Variants in TMEM131 observed in about 807,000 individuals in gnomAD.
TMEM131 encodes 2610524E03Rik.
A neutral mutation model predicts 211.6 loss-of-function variants in TMEM131; 66 were observed. The observed-to-expected ratio is 0.31, with a 90% CI of 0.26 to 0.38. TMEM131 has a LOEUF of 0.38. TMEM131 is among the 10% of genes least tolerant of loss of function. The probability of loss-of-function intolerance (pLI) is 1.00; values close to 1 mark genes in which losing one functional copy is unlikely to be tolerated. For synonymous variants in TMEM131, 844 were observed against 841.3 expected, an observed-to-expected ratio of 1.00 and a Z score of -0.06; for missense variants, 2,036 against 2,299.3, an observed-to-expected ratio of 0.89 and a Z score of 2.34.
At chr2:97,796,517 C>A in intron 27 of TMEM131, 113 bp from the exon 28 acceptor site, 1 of 720,668 alleles carries the variant, frequency 1.4e-6, no homozygotes, top group African/African-American at 1.8e-5. Context: ...TAAACCATCC[C>A]TGCATGTCAG....
At chr2:97,772,483 C>A in intron 32 of TMEM131, 59 bp from the exon 33 acceptor site, 1 of 1,540,962 alleles carries the variant, frequency 6.5e-7, no homozygotes, top group South Asian at 1.2e-5. Context: ...GAAATTAGTT[C>A]CATTTTAAGA....
intron 24 of TMEM131, 34 bp from the exon 25 acceptor site, chr2:97,801,995 A>T (rs1161452343): frequency 6.9e-7 from 1 of 1,449,502 alleles, no homozygotes; most frequent in African/African-American, 1.4e-5. Flanking sequence ...TTTATTCATA[A>T]GCAACATCAC....
chr2:97,869,648 G>A (rs1056579458), intron 4 of TMEM131, among the ~76,000 whole-genome samples: 14 of 152,218 alleles, frequency 9.2e-5, no homozygotes, highest in Admixed American at 4.6e-4. Flanking sequence ...CAAAGGGAGC[G>A]GGCACTCCTT....
intron 5 of TMEM131, among the ~76,000 whole-genome samples, chr2:97,858,940 C>G (rs1477841940): frequency 1.3e-5 from 2 of 152,208 alleles, no homozygotes; most frequent in Non-Finnish European, 2.9e-5. Context: ...GTTTACAGAA[C>G]TGTGTGCTAA....
At position 97,814,336 on chromosome 2, in the gene TMEM131, C is replaced by T. The variant is rs1681713449; in HGVS notation, c.1345G>A (p.Ala449Thr). ...ATLFHIRDSP[A>T]DPVERPIYLT... ...TAAATTGGCCTTTCCACAGGATCAGCAGGGCTGTCTCGGATGTGAAATAAT... is the reference window on the plus strand; with the variant it reads ...TAAATTGGCCTTTCCACAGGATCAGTAGGGCTGTCTCGGATGTGAAATAAT... Residue 449 changes from alanine to threonine, a missense_variant, in exon 14 of 41, where the codon GCT becomes ACT. Ala to Thr is a moderately conservative substitution (Grantham distance 58). Around this residue, in one of 3 missense-constraint regions of TMEM131, gnomAD observed 1,623 missense variants for 1,805.9 expected, o/e 0.90. Coordinates refer to ENST00000186436, the MANE Select transcript of TMEM131 (RefSeq NM_015348.2). 6.2e-7 allele frequency: 1 copy of T among 1,613,546 alleles called. No individual in the cohort carries two copies. The highest frequency in any genetic ancestry group is 1.7e-5 in the Admixed American group (1 of 59,976).
At position 97,837,063 on chromosome 2, in the gene TMEM131, A is replaced by G; in HGVS notation, c.804+14T>C. The G allele has an allele frequency of 6.2e-7, 1 of 1,610,040 alleles. No homozygotes were observed. Among genetic ancestry groups the G allele is most frequent in the Non-Finnish European group, 8.5e-7 (1 of 1,176,772 alleles). Reference sequence around the variant, plus strand: ...ATGGGAGCACACACAAGAGAAAACTAGGTTACAACTCACCCACAGTTTTCT... The same window carrying G: ...ATGGGAGCACACACAAGAGAAAACTGGGTTACAACTCACCCACAGTTTTCT... On this transcript the variant is annotated intron_variant, in intron 8 of 40. Coordinates refer to ENST00000186436, the MANE Select transcript of TMEM131 (RefSeq NM_015348.2).
At chr2:97,823,888 G>A (rs1006969236) in intron 11 of TMEM131, among the ~76,000 whole-genome samples, 3 of 152,136 alleles carry the variant, frequency 2.0e-5, no homozygotes, top group African/African-American at 7.2e-5. Flanking sequence ...ATAACAGGAG[G>A]AAGGTCCAAA....
rs1230726438 is a variant in TMEM131 at position 97,757,118 on chromosome 2, T to C, written c.5633A>G (p.His1878Arg). The C allele has an allele frequency of 6.2e-7, 1 of 1,602,908 alleles. No individual in the cohort carries two copies. Among genetic ancestry groups the C allele is most frequent in the South Asian group, 1.1e-5 (1 of 90,270 alleles). Residue 1878 changes from histidine to arginine, a missense_variant, in exon 41 of 41, where the codon CAC (histidine) becomes CGC (arginine). Coordinates refer to ENST00000186436, the MANE Select transcript of TMEM131 (RefSeq NM_015348.2). ...RRSSDPWSNS[H>R]FPHEN ...CTTAATTTAATTCTCGTGAGGAAAG[T>C]GCGAATTAGACCAAGGGTCCGAGCT...
chr2:97,862,405 G>A (rs1573474222), intron 4 of TMEM131, among the ~76,000 whole-genome samples: 1 of 152,010 alleles, frequency 6.6e-6, no homozygotes, highest in African/African-American at 2.4e-5. Flanking sequence ...GGACCAATCC[G>A]AGAGAAACAG....
At chr2:97,776,617 T>G (rs1679747343) in intron 31 of TMEM131, among the ~76,000 whole-genome samples, 1 of 152,210 alleles carries the variant, frequency 6.6e-6, no homozygotes, top group Non-Finnish European at 1.5e-5. Context: ...AATCTGTATG[T>G]CTGTCTCAGA....
At chr2:97,936,338 G>GCTCTGC (rs575271003) in intron 1 of TMEM131, among the ~76,000 whole-genome samples, 80 of 152,324 alleles carry the variant, frequency 5.3e-4, no homozygotes, top group African/African-American at 1.7e-3. Context: ...TCGGGCTCTG[G>GCTCTGC]CTCTGCCTGT....
chr2:97,850,699 T>C (rs983824797), intron 5 of TMEM131, among the ~76,000 whole-genome samples: 3 of 152,140 alleles, frequency 2.0e-5, no homozygotes, highest in Non-Finnish European at 2.9e-5. Context: ...ATAAATGCTG[T>C]GTATCCACCT....
At chr2:97,864,501 T>C (rs947269217) in intron 4 of TMEM131, among the ~76,000 whole-genome samples, 7 of 152,156 alleles carry the variant, frequency 4.6e-5, no homozygotes, top group African/African-American at 1.4e-4. Flanking sequence ...CATAAATATA[T>C]ATATCTACTA....
intron 2 of TMEM131, among the ~76,000 whole-genome samples, chr2:97,913,944 C>T (rs564288139): frequency 2.0e-5 from 3 of 152,198 alleles, no homozygotes; most frequent in East Asian, 1.9e-4. Flanking sequence ...TTCTCTGTCA[C>T]CTTTAGAGAC....
At chr2:97,832,427 C>T (rs1202487884) in intron 11 of TMEM131, among the ~76,000 whole-genome samples, 1 of 152,194 alleles carries the variant, frequency 6.6e-6, no homozygotes, top group Non-Finnish European at 1.5e-5. Flanking sequence ...ATGCCTGCAT[C>T]CCGGTCCCAC....
chr2:97,937,091 C>T (rs1677480145), intron 1 of TMEM131, among the ~76,000 whole-genome samples: 1 of 151,946 alleles, frequency 6.6e-6, no homozygotes, highest in Non-Finnish European at 1.5e-5. Flanking sequence ...AGTAATGGTC[C>T]CTGAGGACAG....
chr2:97,892,750 T>TA (rs1675433482), intron 3 of TMEM131, among the ~76,000 whole-genome samples: 1 of 152,222 alleles, frequency 6.6e-6, no homozygotes, highest in Non-Finnish European at 1.5e-5. Context: ...GGTTTTATCC[T>TA]AAAAATTTTA....
intron 5 of TMEM131, among the ~76,000 whole-genome samples, chr2:97,850,815 G>C (rs1338976646): frequency 6.6e-6 from 1 of 152,112 alleles, no homozygotes; most frequent in Non-Finnish European, 1.5e-5. Flanking sequence ...TAAGGCCTAT[G>C]TTTATTACTG....
At chr2:97,964,553 G>A (rs1156369977) in intron 1 of TMEM131, among the ~76,000 whole-genome samples, 1 of 152,176 alleles carries the variant, frequency 6.6e-6, no homozygotes, top group Non-Finnish European at 1.5e-5. Flanking sequence ...TATCAAGCTT[G>A]TTAAACACAC....
Sources: gnomAD v4.1 joint callset for allele counts (sites outside exome capture counted in the v4.1 genomes callset) on GRCh38, gnomAD v4.1.1 for gene constraint, gnomAD v4.1.1 regional missense constraint, MANE v1.5 for transcripts, NCBI Gene and HGNC (gene_info 2026-07-23, HGNC 2026-07-21) for gene names.